Variants in NR2F1-AS1 observed in about 807,000 individuals in gnomAD.
NR2F1-AS1 encodes NR2F1 antisense RNA 1.
intron 4 of NR2F1-AS1, among the ~76,000 whole-genome samples, chr5:93,491,155 G>A (rs566951956): frequency 2.1e-4 from 32 of 151,496 alleles, no homozygotes; most frequent in African/African-American, 7.0e-4. Flanking sequence ...TGGTGTTTAT[G>A]GTGGTTGTGG....
At chr5:93,457,783 T>C (rs1749984528) in intron 4 of NR2F1-AS1, among the ~76,000 whole-genome samples, 1 of 152,090 alleles carries the variant, frequency 6.6e-6, no homozygotes, top group African/African-American at 2.4e-5. Flanking sequence ...CTTCTTTAAT[T>C]GTGCCCAAGT....
chr5:93,453,268 AC>A (rs1749876066), intron 4 of NR2F1-AS1, among the ~76,000 whole-genome samples: 3 of 152,078 alleles, frequency 2.0e-5, no homozygotes, highest in Admixed American at 2.0e-4. Flanking sequence ...CCAGAACAAA[AC>A]ACAAGTAGAA....
chr5:93,576,429 CTT>C (rs199848607), intron 1 of NR2F1-AS1, among the ~76,000 whole-genome samples: 286 of 138,422 alleles, frequency 2.1e-3, no homozygotes, highest in African/African-American at 6.7e-3. Flanking sequence ...TATGCTTGTG[CTT>C]TTTTTTTTTT....
chr5:93,559,517 G>C (rs1312743528), intron 2 of NR2F1-AS1, among the ~76,000 whole-genome samples: 1 of 152,186 alleles, frequency 6.6e-6, no homozygotes, highest in Non-Finnish European at 1.5e-5. Flanking sequence ...TTGGATGTTT[G>C]ACAAGAGGCC....
chr5:93,522,001 T>A (rs2149895819), intron 4 of NR2F1-AS1, among the ~76,000 whole-genome samples: 1 of 152,280 alleles, frequency 6.6e-6, no homozygotes, highest in East Asian at 1.9e-4. Context: ...ATGTGGTACA[T>A]ATATATCATG....
At chr5:93,422,379 C>T (rs1386070501) in intron 4 of NR2F1-AS1, 2 of 152,216 alleles carry the variant, frequency 1.3e-5, no homozygotes, top group Non-Finnish European at 2.9e-5. Context: ...TCAGACAAAA[C>T]CATGGGGGAG....
intron 1 of NR2F1-AS1, among the ~76,000 whole-genome samples, chr5:93,578,227 T>C (rs1752939947): frequency 6.6e-6 from 1 of 152,166 alleles, no homozygotes; most frequent in South Asian, 2.1e-4. Flanking sequence ...TCTCTTCCTC[T>C]CTCACCAGAT....
chr5:93,568,129 T>C (rs2149924952), intron 1 of NR2F1-AS1, among the ~76,000 whole-genome samples: 1 of 152,312 alleles, frequency 6.6e-6, no homozygotes, highest in Non-Finnish European at 1.5e-5. Flanking sequence ...GTTTAAAGAC[T>C]TAAAATTTTT....
intron 4 of NR2F1-AS1, among the ~76,000 whole-genome samples, chr5:93,418,273 G>A (rs1206643713): frequency 3.3e-5 from 5 of 152,170 alleles, no homozygotes; most frequent in African/African-American, 1.2e-4. Context: ...GACACCCAGA[G>A]TGAACTAATC....
chr5:93,519,568 T>A (rs1751463302), intron 4 of NR2F1-AS1, among the ~76,000 whole-genome samples: 1 of 151,910 alleles, frequency 6.6e-6, no homozygotes, highest in South Asian at 2.1e-4. Flanking sequence ...ATAACCCCCA[T>A]CAAAGAATGT....
At chr5:93,551,820 A>T (rs7732408) in intron 4 of NR2F1-AS1, among the ~76,000 whole-genome samples, 4,479 of 152,300 alleles carry the variant, frequency 0.029, 214 homozygotes, top group African/African-American at 0.1. Flanking sequence ...AATTTCCAAT[A>T]ATAAATGCTT....
intron 4 of NR2F1-AS1, among the ~76,000 whole-genome samples, chr5:93,515,221 A>T (rs1751376917): frequency 6.6e-6 from 1 of 151,914 alleles, no homozygotes; most frequent in African/African-American, 2.4e-5. Flanking sequence ...TTATTTTTTT[A>T]AATTGATTTC....
At chr5:93,564,244 CAAG>C (rs1752567307) in intron 1 of NR2F1-AS1, among the ~76,000 whole-genome samples, 1 of 146,568 alleles carries the variant, frequency 6.8e-6, no homozygotes, top group Non-Finnish European at 1.5e-5. Flanking sequence ...TATAAGTTCC[CAAG>C]TATGCATTTG....
intron 4 of NR2F1-AS1, among the ~76,000 whole-genome samples, chr5:93,415,622 C>A (rs1009088174): frequency 6.6e-6 from 1 of 152,110 alleles, no homozygotes; most frequent in Non-Finnish European, 1.5e-5. Flanking sequence ...AATTAATGAA[C>A]TGACTTAACT....
chr5:93,429,123 A>C (rs1228538151), intron 4 of NR2F1-AS1, among the ~76,000 whole-genome samples: 1 of 152,186 alleles, frequency 6.6e-6, no homozygotes, highest in Non-Finnish European at 1.5e-5. Context: ...ATGATACTTG[A>C]GCCACTTTTG....
chr5:93,423,762 T>A (rs1446543624), intron 4 of NR2F1-AS1, among the ~76,000 whole-genome samples: 1 of 152,198 alleles, frequency 6.6e-6, no homozygotes, highest in Non-Finnish European at 1.5e-5. Context: ...CCAAGTACTA[T>A]ACTTTCATGA....
chr5:93,451,848 C>T (rs1475060603), intron 4 of NR2F1-AS1, among the ~76,000 whole-genome samples: 1 of 152,170 alleles, frequency 6.6e-6, no homozygotes, highest in Admixed American at 6.5e-5. Flanking sequence ...ATAATTTTGA[C>T]ATTGTCAAGC....
At chr5:93,577,835 AGTTCT>A (rs1262670369) in intron 1 of NR2F1-AS1, among the ~76,000 whole-genome samples, 1 of 152,210 alleles carries the variant, frequency 6.6e-6, no homozygotes, top group Non-Finnish European at 1.5e-5. Context: ...AAACGGGGTT[AGTTCT>A]GTTCTGTGGT....
intron 2 of NR2F1-AS1, among the ~76,000 whole-genome samples, chr5:93,558,590 G>A (rs962946537): frequency 6.6e-6 from 1 of 152,090 alleles, no homozygotes; most frequent in Admixed American, 6.5e-5. Context: ...CCAAAGTGCT[G>A]GGATTACAGG....
Sources: gnomAD v4.1 joint callset for allele counts (sites outside exome capture counted in the v4.1 genomes callset) on GRCh38, gnomAD v4.1.1 for gene constraint, MANE v1.5 for transcripts, NCBI Gene and HGNC (gene_info 2026-07-23, HGNC 2026-07-21) for gene names.